SNX31: variants seen among roughly 807,000 people sequenced by gnomAD.
SNX31 encodes sorting nexin 31, also known as sorting nexin-31.
SNX31 carries 58 observed loss-of-function variants against 65.4 expected under a neutral mutation model. The ratio of observed to expected loss-of-function variants is 0.89; its 90% CI spans 0.72 to 1.10. The LOEUF (loss-of-function observed/expected upper bound fraction) is 1.10. Ranked by LOEUF, SNX31 falls within the 50% of genes least tolerant of loss-of-function variation. SNX31 has a pLI of 0.00. For missense variants in SNX31, 523 were observed against 529.7 expected (o/e 0.99, Z 0.12); for synonymous variants, 181 against 190.1 (o/e 0.95, Z 0.39).
At position 100,649,587 on chromosome 8, in the gene SNX31, G is replaced by T. The variant is rs1215371739; in HGVS notation, c.-73C>A. The stretch of plus-strand genomic sequence containing the variant: ...GCGGGCGGTGCGCGGCTCTGAACTC[G>T]GCAGCGGTGGACGCAGCGCGGCCTG... On this transcript the variant is annotated 5_prime_UTR_variant, in exon 1 of 14. Transcript: ENST00000311812. The T allele has an allele frequency of 2.8e-6, 4 of 1,410,166 alleles. No individual in the cohort carries two copies. Among genetic ancestry groups the T allele is most frequent in the Admixed American group, 2.0e-5 (1 of 49,146 alleles). 87.4% of individuals were successfully genotyped at this position (1,410,166 alleles called of 1,614,324 possible).
chr8:100,657,301 A>T (rs910553601), intron 1 of SNX31, among the ~76,000 whole-genome samples: 3 of 151,898 alleles, frequency 2.0e-5, no homozygotes, highest in Non-Finnish European at 2.9e-5. Flanking sequence ...AAAAATACAA[A>T]ATTAGCCAGG....
At chr8:100,616,689 C>T (rs1817234439) in intron 5 of SNX31, among the ~76,000 whole-genome samples, 1 of 152,102 alleles carries the variant, frequency 6.6e-6, no homozygotes, top group East Asian at 1.9e-4. Flanking sequence ...GATGTAGGAT[C>T]GAGAGGAGGA....
chr8:100,574,779 CAAAA>C (rs1812906399), intron 13 of SNX31, among the ~76,000 whole-genome samples: 2 of 152,034 alleles, frequency 1.3e-5, no homozygotes, highest in East Asian at 1.9e-4. Flanking sequence ...ACCAAAACTA[CAAAA>C]ACTAGCCGGA....
Position 100,612,662 on chromosome 8 carries a change from C to T in SNX31, c.523+333G>A, listed in dbSNP as rs1192521783. On this transcript the variant is annotated intron_variant, in intron 6 of 13. Transcript: ENST00000311812. This position sits in a 1 kb window ranked among gnomAD's most constrained non-coding sequence, Gnocchi z 4.3. The stretch of plus-strand genomic sequence containing the variant: ...ATGATGCTGTGGTGGGGCGTCCTGA[C>T]CCCTGGAGTCTAGCACTCCATTCAC... Among the ~76,000 whole-genome samples the T allele has an allele frequency of 6.6e-6, 1 of 152,118 alleles. No individual in the cohort carries two copies. The highest frequency in any genetic ancestry group is 1.5e-5 in the Non-Finnish European group (1 of 68,020).
At chr8:100,611,217 G>T (rs1243928421) in intron 7 of SNX31, among the ~76,000 whole-genome samples, 1 of 151,934 alleles carries the variant, frequency 6.6e-6, no homozygotes, top group Admixed American at 6.6e-5. Flanking sequence ...TCACCTTCAG[G>T]GAATACCACA....
chr8:100,628,066 C>G (rs1818164258), intron 4 of SNX31, among the ~76,000 whole-genome samples: 1 of 152,142 alleles, frequency 6.6e-6, no homozygotes, highest in Admixed American at 6.6e-5. Context: ...GTTAGAATGG[C>G]AATCATTAAA....
chr8:100,608,802 C>T (rs1315980851), intron 7 of SNX31, among the ~76,000 whole-genome samples: 3 of 152,196 alleles, frequency 2.0e-5, no homozygotes, highest in Admixed American at 6.5e-5. Flanking sequence ...AAAAATAAAG[C>T]TTTAGGGGAA....
rs990783130 is a variant in SNX31, at chr8:100,612,398, A to G, written c.524-311T>C. Among the ~76,000 whole-genome samples the G allele has an allele frequency of 2.6e-5, 4 of 152,034 alleles. No homozygotes were observed. The highest frequency in any genetic ancestry group is 5.9e-5 in the Non-Finnish European group (4 of 68,006). The stretch of plus-strand genomic sequence containing the variant: ...GGCCTAGCAGCCAACCCTCTACACA[A>G]GCCCCTTAACTTCCAACTCAAAACC... On this transcript the variant is annotated intron_variant, in intron 6 of 13. Transcript: ENST00000311812. This position sits in a 1 kb window ranked among gnomAD's most constrained non-coding sequence, Gnocchi z 4.3.
At position 100,642,699 on chromosome 8, in the gene SNX31, C is replaced by T. The variant is rs138040490; in HGVS notation, c.141+6575G>A. ...AGGACCTTTTCCATGGGTCTCAGTA[C>T]ACAGTTGAGCTATCAAAACCACCAG... On this transcript the variant is annotated intron_variant, in intron 2 of 13. Coordinates refer to ENST00000311812, the MANE Select transcript of SNX31 (RefSeq NM_152628.4). Among the ~76,000 whole-genome samples the T allele has an allele frequency of 3.9e-3, 590 of 152,310 alleles. 1 individual carries two copies. Among genetic ancestry groups the T allele is most frequent in the Non-Finnish European group, 6.4e-3 (433 of 68,032 alleles).
chr8:100,577,780 T>C (rs970849989), intron 12 of SNX31, among the ~76,000 whole-genome samples: 1 of 152,128 alleles, frequency 6.6e-6, no homozygotes, highest in Non-Finnish European at 1.5e-5. Context: ...AGAGATTGCC[T>C]GACGGGAGCT....
chr8:100,661,288 G>A (rs1809783584), intron 1 of SNX31, among the ~76,000 whole-genome samples: 2 of 152,112 alleles, frequency 1.3e-5, no homozygotes, highest in Non-Finnish European at 2.9e-5. Context: ...TTACAGGCGT[G>A]AGCCACTGCG....
chr8:100,647,919 T>G (rs1819748760), intron 2 of SNX31, among the ~76,000 whole-genome samples: 1 of 152,248 alleles, frequency 6.6e-6, no homozygotes, highest in Non-Finnish European at 1.5e-5. Context: ...AAGTAGCTTC[T>G]TATCTTCCAG....
chr8:100,655,056 G>A (rs1189940107), intron 1 of SNX31, among the ~76,000 whole-genome samples: 1 of 152,068 alleles, frequency 6.6e-6, no homozygotes, highest in African/African-American at 2.4e-5. Flanking sequence ...GGTGGGGCCA[G>A]TTACAACAAC....
intron 2 of SNX31, 109 bp from the exon 3 acceptor site, chr8:100,636,120 A>G: frequency 1.4e-6 from 1 of 705,034 alleles, no homozygotes; most frequent in South Asian, 1.9e-5. Flanking sequence ...TTTATTTCAA[A>G]TTAAGCTTTC....
At chr8:100,605,183 GCCA>G (rs756499662) in intron 8 of SNX31, among the ~76,000 whole-genome samples, 2 of 152,172 alleles carry the variant, frequency 1.3e-5, no homozygotes, top group Non-Finnish European at 2.9e-5. Flanking sequence ...ACAAGTGTGA[GCCA>G]CCATGCCTGG....
intron 2 of SNX31, among the ~76,000 whole-genome samples, chr8:100,644,719 C>T (rs1587084015): frequency 6.6e-6 from 1 of 152,244 alleles, no homozygotes; most frequent in Non-Finnish European, 1.5e-5. Flanking sequence ...GCCTGGAGTG[C>T]AGTGGTGGGA....
intron 1 of SNX31, among the ~76,000 whole-genome samples, chr8:100,659,536 AT>A (rs1435904421): frequency 3.2e-4 from 49 of 152,244 alleles, no homozygotes; most frequent in African/African-American, 1.1e-3. Context: ...GGCTATCTTT[AT>A]TGGTTACAAG....
At chr8:100,602,071 CAGTT>C (rs1237351677) in intron 8 of SNX31, among the ~76,000 whole-genome samples, 2 of 152,218 alleles carry the variant, frequency 1.3e-5, no homozygotes, top group Non-Finnish European at 2.9e-5. Context: ...CATTGTCCCT[CAGTT>C]AGGCTGTCAA....
At chr8:100,602,345 A>C (rs934493516) in intron 8 of SNX31, among the ~76,000 whole-genome samples, 1 of 152,204 alleles carries the variant, frequency 6.6e-6, no homozygotes, top group Non-Finnish European at 1.5e-5. Context: ...GGAGAAGAAA[A>C]ATAACAATAT....
Sources: gnomAD v4.1 joint callset for allele counts (sites outside exome capture counted in the v4.1 genomes callset) on GRCh38, gnomAD v4.1.1 for gene constraint, Gnocchi (gnomAD v3.1) non-coding constraint, MANE v1.5 for transcripts, NCBI Gene and HGNC (gene_info 2026-07-23, HGNC 2026-07-21) for gene names.